PAFAH1B1: variants seen among roughly 807,000 people sequenced by gnomAD.
PAFAH1B1 encodes platelet-activating factor acetylhydrolase IB subunit beta.
Under a neutral mutation model 57.5 loss-of-function variants are expected in PAFAH1B1, and 2 were observed. That is an observed-to-expected ratio of 0.03 (90% CI 0.01 to 0.11). The LOEUF (loss-of-function observed/expected upper bound fraction) is 0.11. Among genes scored for constraint, PAFAH1B1 ranks in the 10% least tolerant of loss-of-function variants. The probability of loss-of-function intolerance (pLI) is 1.00; values close to 1 mark genes in which losing one functional copy is unlikely to be tolerated. For synonymous variants in PAFAH1B1, 152 were observed against 169.6 expected (o/e 0.90, Z 0.81); for missense variants, 257 against 512.0 (o/e 0.50, Z 4.81).
chr17:2,609,886 A>G (rs1024990554), intron 1 of PAFAH1B1, among the ~76,000 whole-genome samples: 3 of 152,154 alleles, frequency 2.0e-5, no homozygotes, highest in Admixed American at 2.0e-4. Flanking sequence ...GTGCAGTGGC[A>G]CGATCTCGGC....
At chr17:2,620,689 C>G (rs2068409224) in intron 1 of PAFAH1B1, among the ~76,000 whole-genome samples, 1 of 152,030 alleles carries the variant, frequency 6.6e-6, no homozygotes, top group Admixed American at 6.6e-5. Flanking sequence ...TGGTAAAACC[C>G]CGTCTCTACT....
chr17:2,594,600 C>T (rs1007790101), intron 1 of PAFAH1B1, among the ~76,000 whole-genome samples: 1 of 152,214 alleles, frequency 6.6e-6, no homozygotes, highest in Non-Finnish European at 1.5e-5. Flanking sequence ...CCCACCGTCT[C>T]CCTGGCCCCC....
intron 1 of PAFAH1B1, among the ~76,000 whole-genome samples, chr17:2,606,975 C>A (rs931254779): frequency 6.6e-6 from 1 of 151,646 alleles, no homozygotes; most frequent in Non-Finnish European, 1.5e-5. Flanking sequence ...CAGGTGCCCG[C>A]CACCACGCCT....
intron 1 of PAFAH1B1, among the ~76,000 whole-genome samples, chr17:2,601,350 G>T (rs923398851): frequency 4.0e-5 from 6 of 151,768 alleles, no homozygotes; most frequent in Admixed American, 6.6e-5. Flanking sequence ...GGCCAGGCTG[G>T]TCTCGAACTC....
intron 2 of PAFAH1B1, among the ~76,000 whole-genome samples, chr17:2,651,128 T>A (rs950496799): frequency 1.3e-5 from 2 of 152,214 alleles, no homozygotes; most frequent in Non-Finnish European, 2.9e-5. Flanking sequence ...AAGTGCTTTT[T>A]CTGAGTCATT....
chr17:2,619,110 G>T (rs1421528893), intron 1 of PAFAH1B1, among the ~76,000 whole-genome samples: 1 of 151,898 alleles, frequency 6.6e-6, no homozygotes, highest in Admixed American at 6.6e-5. Flanking sequence ...TTTAGCTGGG[G>T]TTTTTTGTTT....
At chr17:2,645,717 G>A (rs1415622572) in intron 2 of PAFAH1B1, among the ~76,000 whole-genome samples, 1 of 151,350 alleles carries the variant, frequency 6.6e-6, no homozygotes, top group East Asian at 2.0e-4. Flanking sequence ...GGGTTCTCCT[G>A]CCTCAGCCTC....
chr17:2,660,630 CA>C (rs1348584092), intron 2 of PAFAH1B1, among the ~76,000 whole-genome samples: 2 of 152,206 alleles, frequency 1.3e-5, no homozygotes, highest in South Asian at 2.1e-4. Context: ...ATGTGTACCA[CA>C]TTTTCTTTAT....
At chr17:2,609,381 A>G (rs2068240986) in intron 1 of PAFAH1B1, among the ~76,000 whole-genome samples, 1 of 151,980 alleles carries the variant, frequency 6.6e-6, no homozygotes, top group South Asian at 2.1e-4. Flanking sequence ...GTTGGTGTTT[A>G]TTATCGCCCT....
At chr17:2,611,195 C>T (rs2068262743) in intron 1 of PAFAH1B1, among the ~76,000 whole-genome samples, 1 of 152,030 alleles carries the variant, frequency 6.6e-6, no homozygotes, top group Non-Finnish European at 1.5e-5. Flanking sequence ...AAGGGCCAGG[C>T]GCGGTGACTC....
chr17:2,657,634 T>A (rs1209518327), intron 2 of PAFAH1B1, among the ~76,000 whole-genome samples: 1 of 152,236 alleles, frequency 6.6e-6, no homozygotes, highest in African/African-American at 2.4e-5. Flanking sequence ...CTCAGCTCCC[T>A]GCCTAGGTAA....
At chr17:2,612,969 A>C (rs1187048462) in intron 1 of PAFAH1B1, among the ~76,000 whole-genome samples, 1 of 151,064 alleles carries the variant, frequency 6.6e-6, no homozygotes, top group African/African-American at 2.4e-5. Context: ...TTCAATTTTT[A>C]GTGGTCGAAA....
intron 1 of PAFAH1B1, among the ~76,000 whole-genome samples, chr17:2,626,368 A>T (rs2068490272): frequency 6.6e-6 from 1 of 152,192 alleles, no homozygotes; most frequent in South Asian, 2.1e-4. Context: ...TAACTCAATC[A>T]TATACTTGTG....
At chr17:2,596,877 G>C (rs1031956961) in intron 1 of PAFAH1B1, among the ~76,000 whole-genome samples, 2 of 152,050 alleles carry the variant, frequency 1.3e-5, no homozygotes, top group African/African-American at 4.8e-5. Context: ...TGACCAATAT[G>C]GTGAAACCCC....
chr17:2,680,032 A>G, intron 9 of PAFAH1B1, 132 bp from the exon 10 acceptor site: 1 of 838,844 alleles, frequency 1.2e-6, no homozygotes, highest in Admixed American at 2.1e-5. Context: ...CCTTTAATCT[A>G]GAATCCCCTA....
intron 2 of PAFAH1B1, among the ~76,000 whole-genome samples, chr17:2,659,185 A>G (rs1419172044): frequency 6.7e-6 from 1 of 149,424 alleles, no homozygotes; most frequent in African/African-American, 2.5e-5. Flanking sequence ...CAGGAGGGGG[A>G]GGTTGCAGTG....
intron 3 of PAFAH1B1, among the ~76,000 whole-genome samples, 177 bp from the exon 4 acceptor site, chr17:2,665,839 T>G (rs1310664143): frequency 6.6e-6 from 1 of 152,132 alleles, no homozygotes; most frequent in African/African-American, 2.4e-5. Context: ...AGACCTCAGG[T>G]GATCCACCCG....
intron 9 of PAFAH1B1, chr17:2,679,622 TTGGATGATTGGATGGA>T (rs373145129): frequency 0.039 from 2,181 of 56,368 alleles, 39 homozygotes; most frequent in African/African-American, 0.081. Flanking sequence ...GGATGGATGA[TTGGATGATTGGATGGA>T]TGGATGGATG....
At chr17:2,666,570 T>G (rs552179186) in intron 4 of PAFAH1B1, among the ~76,000 whole-genome samples, 14 of 152,202 alleles carry the variant, frequency 9.2e-5, no homozygotes, top group Non-Finnish European at 2.1e-4. Flanking sequence ...GAAAAATGCT[T>G]AGCACATAGT....
Sources: allele counts gnomAD v4.1 joint callset (sites outside exome capture counted in the v4.1 genomes callset), GRCh38; gene constraint gnomAD v4.1.1; transcripts MANE v1.5; gene names NCBI Gene and HGNC (gene_info 2026-07-23, HGNC 2026-07-21).